PCLO: variants seen among roughly 807,000 people sequenced by gnomAD.
PCLO encodes protein piccolo.
A neutral mutation model predicts 427.5 loss-of-function variants in PCLO; 82 were observed. The ratio of observed to expected loss-of-function variants is 0.19; its 90% CI spans 0.16 to 0.23. PCLO has a LOEUF of 0.23. PCLO is among the 10% of genes least tolerant of loss of function. The probability of loss-of-function intolerance (pLI) is 1.00; values close to 1 mark genes in which losing one functional copy is unlikely to be tolerated. For synonymous variants in PCLO, 2,357 were observed against 2,155.4 expected (o/e 1.09, Z -2.59); for missense variants, 6,239 against 6,115.9 (o/e 1.02, Z -0.67).
At chr7:82,908,848 T>C in intron 8 of PCLO, 29 bp downstream of exon 8, 9 of 1,593,496 alleles carry the variant, frequency 5.6e-6, no homozygotes, top group Non-Finnish European at 7.7e-6. Flanking sequence ...TTGATAAATC[T>C]AAAAGAAATT....
intron 10 of PCLO, among the ~76,000 whole-genome samples, chr7:82,873,186 T>A (rs1793280979): frequency 6.7e-6 from 1 of 148,466 alleles, no homozygotes. Flanking sequence ...TAAGTTTTTT[T>A]TTTTTTTTTT....
chr7:82,998,015 G>C (rs1384903123), intron 3 of PCLO, among the ~76,000 whole-genome samples: 1 of 151,996 alleles, frequency 6.6e-6, no homozygotes, highest in African/African-American at 2.4e-5. Context: ...ATCTGTAAGA[G>C]AAGTGAAGTC....
At chr7:82,794,821 T>C (rs1016648011) in intron 22 of PCLO, among the ~76,000 whole-genome samples, 1 of 152,110 alleles carries the variant, frequency 6.6e-6, no homozygotes, top group African/African-American at 2.4e-5. Context: ...TGTCCTTTTT[T>C]GAGCAAAACA....
At chr7:82,854,953 A>G (rs1450580459) in intron 10 of PCLO, among the ~76,000 whole-genome samples, 1 of 152,128 alleles carries the variant, frequency 6.6e-6, no homozygotes, top group Non-Finnish European at 1.5e-5. Flanking sequence ...AATAAAAGAA[A>G]TTTAAGAAAT....
In PCLO at chr7:82,801,893, G is replaced by A. The variant is rs545518573; in HGVS notation, c.14934-302C>T. Reference sequence around the variant, plus strand: ...ATTTATCAAAAAATAAGACCATCATGACATTTAGAAATTTTGTTTTAGAAT... The same window carrying A: ...ATTTATCAAAAAATAAGACCATCATAACATTTAGAAATTTTGTTTTAGAAT... On this transcript the variant is annotated intron_variant, in intron 21 of 24. Coordinates refer to ENST00000333891, the MANE Select transcript of PCLO (RefSeq NM_033026.6). 2.0e-5 allele frequency among the ~76,000 whole-genome samples: 3 copies of A among 152,068 alleles called. No individual in the cohort carries two copies. The South Asian group carries it at 6.2e-4, about 31-fold the overall frequency.
chr7:82,803,287 G>A (rs1170498108), intron 21 of PCLO, among the ~76,000 whole-genome samples: 3 of 151,894 alleles, frequency 2.0e-5, no homozygotes, highest in Non-Finnish European at 4.4e-5. Flanking sequence ...TGAAAGTGCA[G>A]GTCTTTTTAG....
chr7:83,028,210 A>T (rs902985136), intron 3 of PCLO, among the ~76,000 whole-genome samples: 1 of 151,684 alleles, frequency 6.6e-6, no homozygotes, highest in Non-Finnish European at 1.5e-5. Context: ...AGAAAACCCC[A>T]TTGTCTCAGC....
At chr7:82,967,311 G>T (rs995461945) in intron 3 of PCLO, among the ~76,000 whole-genome samples, 1 of 151,384 alleles carries the variant, frequency 6.6e-6, no homozygotes, top group African/African-American at 2.4e-5. Flanking sequence ...GAGTACCTGG[G>T]ATTCAGGCAC....
At chr7:82,837,763 A>T (rs1250406014) in intron 15 of PCLO, among the ~76,000 whole-genome samples, 1 of 152,040 alleles carries the variant, frequency 6.6e-6, no homozygotes, top group Admixed American at 6.6e-5. Flanking sequence ...ATAAATAAGG[A>T]TACATCAAGA....
intron 3 of PCLO, among the ~76,000 whole-genome samples, chr7:83,130,821 GT>G (rs1470226393): frequency 1.3e-5 from 2 of 152,170 alleles, no homozygotes; most frequent in East Asian, 3.9e-4. Context: ...TTGTTGCATA[GT>G]GACAAATATC....
chr7:82,949,558 C>G lies in PCLO; in HGVS notation c.11030G>C (p.Arg3677Pro). ...CAGAGGCTTGGGGTCAGACATAGAA[C>G]GCTGCATCATCTTGGCTGTCTTAGG... ...ASPKTAKMMQRSMSDPKPLSP... is the reference protein window; with the variant it reads ...ASPKTAKMMQPSMSDPKPLSP... The change falls in exon 6 of 25, where the codon CGT becomes CCT. Residue 3677 changes from arginine (R) to proline (P), a missense_variant. Physicochemically the swap from Arg to Pro is moderately radical, Grantham distance 103 (BLOSUM62 -2). Coordinates refer to ENST00000333891, the MANE Select transcript of PCLO (RefSeq NM_033026.6). 6.2e-7 allele frequency: 1 copy of G among 1,613,808 alleles called. No homozygotes were observed. The highest frequency in any genetic ancestry group is 8.5e-7 in the Non-Finnish European group (1 of 1,179,808).
chr7:82,759,076 C>G (rs530809514), intron 24 of PCLO, among the ~76,000 whole-genome samples: 2 of 151,916 alleles, frequency 1.3e-5, no homozygotes, highest in African/African-American at 4.8e-5. Flanking sequence ...CTAGTTTACA[C>G]AAATCCAAAT....
chr7:82,916,509 C>A lies in PCLO; in HGVS notation c.11477G>T (p.Gly3826Val). The A allele has an allele frequency of 6.2e-7, 1 of 1,613,752 alleles. No individual in the cohort carries two copies. Among genetic ancestry groups the A allele is most frequent in the Non-Finnish European group, 8.5e-7 (1 of 1,179,770 alleles). The change falls in exon 7 of 25, where the codon GGA becomes GTA. Residue 3826 changes from glycine to valine, a missense_variant. Gly to Val is a moderately radical substitution (Grantham distance 109, BLOSUM62 -3). Coordinates refer to ENST00000333891, the MANE Select transcript of PCLO (RefSeq NM_033026.6). ...CATGTAATCACGATCCTCAGCTACT[C>A]CCTGGAGGTAGGCTCGTTCTCTCTT... Reference protein sequence around the residue: ...REKRERAYLQGVAEDRDYMSD... With the variant: ...REKRERAYLQVVAEDRDYMSD...
intron 3 of PCLO, among the ~76,000 whole-genome samples, chr7:82,978,089 A>G (rs577802278): frequency 7.9e-5 from 12 of 152,118 alleles, no homozygotes; most frequent in African/African-American, 2.9e-4. Flanking sequence ...ATATAAGACC[A>G]TAGCTAGAAA....
At chr7:83,013,972 T>G (rs1788147834) in intron 3 of PCLO, among the ~76,000 whole-genome samples, 1 of 152,192 alleles carries the variant, frequency 6.6e-6, no homozygotes, top group African/African-American at 2.4e-5. Flanking sequence ...TAAAAAATCT[T>G]GGTGTACCAT....
chr7:82,858,760 A>G (rs1792873750), intron 10 of PCLO, among the ~76,000 whole-genome samples: 1 of 152,178 alleles, frequency 6.6e-6, no homozygotes, highest in African/African-American at 2.4e-5. Context: ...TTTAGCCAAG[A>G]AGGTGAAAAA....
intron 6 of PCLO, among the ~76,000 whole-genome samples, chr7:82,919,121 T>C (rs1368112537): frequency 6.6e-6 from 1 of 152,000 alleles, no homozygotes; most frequent in African/African-American, 2.4e-5. Flanking sequence ...GACCAATCAC[T>C]ATACTTGTCA....
intron 19 of PCLO, 39 bp downstream of exon 19, chr7:82,824,197 A>G (rs1791870499): frequency 7.1e-7 from 1 of 1,417,232 alleles, no homozygotes; most frequent in Non-Finnish European, 9.7e-7. Flanking sequence ...CTGAACAAAT[A>G]GACACAAAAC....
At chr7:83,083,734 C>G (rs541919105) in intron 3 of PCLO, among the ~76,000 whole-genome samples, 54 of 152,104 alleles carry the variant, frequency 3.6e-4, no homozygotes, top group African/African-American at 1.3e-3. Context: ...AGCAGAAATT[C>G]AGGTTGCTGT....
Sources: allele counts gnomAD v4.1 joint callset (sites outside exome capture counted in the v4.1 genomes callset), GRCh38; gene constraint gnomAD v4.1.1; transcripts MANE v1.5; gene names NCBI Gene and HGNC (gene_info 2026-07-23, HGNC 2026-07-21).